The following SLC28A3 variants were observed in gnomAD, a reference collection of about 807,000 sequenced individuals.
SLC28A3 encodes solute carrier family 28 member 3, also known as concentrative Na(+)-nucleoside cotransporter 3.
A neutral mutation model predicts 84.2 loss-of-function variants in SLC28A3; 68 were observed. That is an observed-to-expected ratio of 0.81 (90% CI 0.66 to 0.99). The LOEUF (loss-of-function observed/expected upper bound fraction) is 0.99, where lower values mean the gene tolerates loss of function less well. Among genes scored for constraint, SLC28A3 ranks in the 50% least tolerant of loss-of-function variants. The probability of loss-of-function intolerance (pLI) is 0.00; values close to 1 mark genes in which losing one functional copy is unlikely to be tolerated. For synonymous variants in SLC28A3, 267 were observed against 303.6 expected, an observed-to-expected ratio of 0.88 and a Z score of 1.25; for missense variants, 712 against 841.5, an observed-to-expected ratio of 0.85 and a Z score of 1.90.
chr9:84,302,735 A>G (rs1055635913), intron 4 of SLC28A3, among the ~76,000 whole-genome samples: 13 of 152,158 alleles, frequency 8.5e-5, no homozygotes, highest in Non-Finnish European at 1.6e-4. Flanking sequence ...AGCTACTATC[A>G]GAGAAAGGCC....
At chr9:84,299,512 A>T (rs1312516440) in intron 6 of SLC28A3, 69 bp downstream of exon 6, 3 of 1,572,598 alleles carry the variant, frequency 1.9e-6, no homozygotes, top group Non-Finnish European at 2.6e-6. Context: ...TCTCACAATC[A>T]GTATTTTGAG....
chr9:84,280,661 G>A, intron 15 of SLC28A3, 140 bp downstream of exon 15: 1 of 785,478 alleles, frequency 1.3e-6, no homozygotes, highest in Admixed American at 2.8e-5. Context: ...GCAGACTAGA[G>A]ATTAAAAAAA....
chr9:84,301,171 G>A (rs1347157571), intron 5 of SLC28A3, among the ~76,000 whole-genome samples: 1 of 151,694 alleles, frequency 6.6e-6, no homozygotes. Flanking sequence ...GCAATATGGT[G>A]AAACACCCGT....
intron 1 of SLC28A3, among the ~76,000 whole-genome samples, chr9:84,315,494 C>CAA (rs59921181): frequency 2.0e-5 from 3 of 151,906 alleles, no homozygotes; most frequent in African/African-American, 7.3e-5. Flanking sequence ...TGGTGGAACA[C>CAA]GGGTGGATCC....
chr9:84,331,119 A>G (rs536273436), intron 1 of SLC28A3, among the ~76,000 whole-genome samples: 1 of 152,316 alleles, frequency 6.6e-6, no homozygotes, highest in South Asian at 2.1e-4. Context: ...ACAATCCCCT[A>G]CACTGTTTTC....
chr9:84,321,728 C>T (rs139404934), intron 1 of SLC28A3, among the ~76,000 whole-genome samples: 12,555 of 124,262 alleles, frequency 0.1, 832 homozygotes, highest in African/African-American at 0.19. Flanking sequence ...AGTGAGACTC[C>T]GTCTCAAAAA....
intron 2 of SLC28A3, among the ~76,000 whole-genome samples, chr9:84,312,608 G>A (rs1055239755): frequency 9.6e-5 from 14 of 145,508 alleles, no homozygotes; most frequent in Non-Finnish European, 1.8e-4. Flanking sequence ...GTGCCATCTC[G>A]GCTCACTGCA....
the SLC28A3 span, among the ~76,000 whole-genome samples, chr9:84,352,729 C>CA: frequency 9.3e-5 from 14 of 150,304 alleles, no homozygotes; most frequent in African/African-American, 3.4e-4. Context: ...TACTAAAAAT[C>CA]AAAAAAAGAA....
At chr9:84,297,191 C>T (rs773139876) in intron 8 of SLC28A3, 30 bp downstream of exon 8, 31 of 1,578,318 alleles carry the variant, frequency 2.0e-5, no homozygotes, top group South Asian at 2.3e-5. Context: ...GAAATAGCAG[C>T]GACTACATAG....
In SLC28A3 at chr9:84,340,743, C is replaced by T. The variant is rs1366588068; in HGVS notation, c.-110G>A. The T allele has an allele frequency of 1.6e-6, 2 of 1,226,660 alleles. No individual in the cohort carries two copies. Among genetic ancestry groups the T allele is most frequent in the African/African-American group, 3.1e-5 (2 of 65,468 alleles). The allele number at this position is 1,226,660 out of a possible 1,614,324, so 76.0% of individuals were successfully genotyped here. On this transcript the variant is annotated 5_prime_UTR_variant, in exon 1 of 18. In the 5' UTR this introduces an upstream ATG that the reference lacks. Transcript: ENST00000376238. ...ACCTGCTGTTACAGGGACCTGGGCACAGCTTGCTTCAGTTTGGAAACTTCT... is the reference window on the plus strand; with the variant it reads ...ACCTGCTGTTACAGGGACCTGGGCATAGCTTGCTTCAGTTTGGAAACTTCT...
the SLC28A3 span, among the ~76,000 whole-genome samples, chr9:84,368,587 G>A: frequency 6.6e-6 from 1 of 152,032 alleles, no homozygotes; most frequent in Non-Finnish European, 1.5e-5. Flanking sequence ...ATGTCATCTG[G>A]GAGCTGGGGC....
chr9:84,340,769 G>T, upstream of SLC28A3: 1 of 873,090 alleles, frequency 1.1e-6, no homozygotes, highest in Non-Finnish European at 1.8e-6. Flanking sequence ...GGAAACTTCT[G>T]CAATAATCTC....
intron 1 of SLC28A3, among the ~76,000 whole-genome samples, chr9:84,339,063 A>C (rs1827072804): frequency 1.3e-5 from 2 of 151,668 alleles, no homozygotes; most frequent in Non-Finnish European, 2.9e-5. Flanking sequence ...CGATAAATTA[A>C]CCCTTATCTT....
rs113381712 is a variant in SLC28A3 at position 84,314,141 on chromosome 9, C to T, written c.61-687G>A. 2.2e-3 allele frequency among the ~76,000 whole-genome samples: 337 copies of T among 151,584 alleles called. 2 individuals carry two copies. The highest frequency in any genetic ancestry group is 7.7e-3 in the African/African-American group (316 of 40,994). ...GCCTTATTCTTAGATGTTAGATTTA[C>T]GAAATGTTGAAATGGGTTTTTTTTG... is the stretch of plus-strand genomic sequence containing the variant. On this transcript the variant is annotated intron_variant, in intron 1 of 17. Transcript: ENST00000376238.
At chr9:84,309,170 G>A (rs367815506) in intron 3 of SLC28A3, among the ~76,000 whole-genome samples, 2 of 152,116 alleles carry the variant, frequency 1.3e-5, no homozygotes, top group Admixed American at 6.5e-5. Flanking sequence ...GGGGTGTTGG[G>A]TAGGGAGGGT....
At chr9:84,327,459 T>C (rs1480631174) in intron 1 of SLC28A3, among the ~76,000 whole-genome samples, 1 of 151,968 alleles carries the variant, frequency 6.6e-6, no homozygotes, top group Admixed American at 6.5e-5. Context: ...TGTCTTAAAT[T>C]ATCCTAGTTC....
intron 2 of SLC28A3, among the ~76,000 whole-genome samples, chr9:84,311,362 C>T (rs1825981432): frequency 1.3e-5 from 2 of 152,096 alleles, no homozygotes; most frequent in Admixed American, 1.3e-4. Context: ...TGTCTACCCA[C>T]CCTCACCTTC....
chr9:84,329,459 CAT>C (rs1385660906), intron 1 of SLC28A3, among the ~76,000 whole-genome samples: 2 of 152,146 alleles, frequency 1.3e-5, no homozygotes, highest in Non-Finnish European at 2.9e-5. Context: ...GGCTAGATCA[CAT>C]GTTAGGCCCA....
intron 1 of SLC28A3, among the ~76,000 whole-genome samples, chr9:84,337,538 G>A (rs1486543079): frequency 2.0e-5 from 3 of 152,026 alleles, no homozygotes; most frequent in Non-Finnish European, 2.9e-5. Context: ...CTGAACTGAT[G>A]GGAACATCTT....
Sources: gnomAD v4.1 joint callset for allele counts (sites outside exome capture counted in the v4.1 genomes callset) on GRCh38, gnomAD v4.1.1 for gene constraint, MANE v1.5 for transcripts, NCBI Gene and HGNC (gene_info 2026-07-23, HGNC 2026-07-21) for gene names.